ST8SIA1: variants seen among roughly 807,000 people sequenced by gnomAD.
The protein encoded by ST8SIA1 is ST8 alpha-N-acetyl-neuraminide alpha-2,8-sialyltransferase 1.
ST8SIA1 carries 16 observed loss-of-function variants against 35.9 expected under a neutral mutation model. The ratio of observed to expected loss-of-function variants is 0.45; its 90% confidence interval spans 0.30 to 0.68. The LOEUF (loss-of-function observed/expected upper bound fraction) is 0.68. ST8SIA1 is among the 30% of genes least tolerant of loss of function. The pLI, the probability that ST8SIA1 is intolerant of heterozygous loss-of-function variation, is 0.09. For synonymous variants in ST8SIA1, 170 were observed against 169.6 expected, an observed-to-expected ratio of 1.00 and a Z score of -0.02; for missense variants, 383 against 453.6, an observed-to-expected ratio of 0.84 and a Z score of 1.41.
chr12:22,232,349 C>T (rs563599102), intron 4 of ST8SIA1, among the ~76,000 whole-genome samples: 39 of 152,110 alleles, frequency 2.6e-4, no homozygotes, highest in African/African-American at 8.2e-4. Flanking sequence ...GTAGAGCCAC[C>T]GTAATTTAGC....
intron 2 of ST8SIA1, among the ~76,000 whole-genome samples, chr12:22,271,392 A>G (rs1433912029): frequency 1.3e-5 from 2 of 152,148 alleles, no homozygotes; most frequent in Non-Finnish European, 2.9e-5. Flanking sequence ...AATATACATA[A>G]CATATCTAAA....
At chr12:22,325,288 G>C in intron 1 of ST8SIA1, 2 of 564,406 alleles carry the variant, frequency 3.5e-6, no homozygotes, top group Non-Finnish European at 6.3e-6. Flanking sequence ...TGGGACGAAA[G>C]GCCCTTTTCT....
intron 4 of ST8SIA1, among the ~76,000 whole-genome samples, chr12:22,238,271 C>T (rs1865498355): frequency 6.6e-6 from 1 of 152,166 alleles, no homozygotes; most frequent in Non-Finnish European, 1.5e-5. Context: ...GATGCTAGCA[C>T]ACTTCCCATG....
At position 22,285,103 on chromosome 12, in the gene ST8SIA1, C is replaced by T. The variant is rs541995392; in HGVS notation, c.381+2046G>A. On this transcript the variant is annotated intron_variant, in intron 2 of 4. Transcript: ENST00000396037. The stretch of plus-strand genomic sequence containing the variant: ...TCTGTACCACTCTCTTTCCAGCTTC[C>T]TGCTGAAGCATGACAGTTAAAAACT... Among the ~76,000 whole-genome samples, 3 of 152,350 alleles carry T rather than the reference C, an allele frequency of 2.0e-5. No homozygotes were observed. In the South Asian group the frequency reaches 6.2e-4, roughly 32 times the overall value.
chr12:22,223,433 T>A (rs1422536159), intron 4 of ST8SIA1: 1 of 821,882 alleles, frequency 1.2e-6, no homozygotes, highest in African/African-American at 1.9e-5. Flanking sequence ...TAGTCCAAAG[T>A]GGAAAAGCTA....
intron 4 of ST8SIA1, among the ~76,000 whole-genome samples, chr12:22,226,503 C>CTT (rs879840303): frequency 6.8e-6 from 1 of 147,072 alleles, no homozygotes; most frequent in African/African-American, 2.5e-5. Flanking sequence ...GCTGTTAAAA[C>CTT]TTTTTTTTTT....
chr12:22,238,859 A>G (rs1422599061), intron 4 of ST8SIA1, among the ~76,000 whole-genome samples: 2 of 152,180 alleles, frequency 1.3e-5, no homozygotes, highest in Admixed American at 6.5e-5. Context: ...CTGGAGTAAC[A>G]TACTCTTTTT....
At position 22,237,758 on chromosome 12, in the gene ST8SIA1, G is replaced by GT. The variant is rs1043638787; in HGVS notation, c.584+11247dup. 2.3e-4 allele frequency among the ~76,000 whole-genome samples: 35 copies of GT among 151,004 alleles called. No individual in the cohort carries two copies. In the South Asian group the frequency reaches 2.7e-3, roughly 12 times the overall value. On this transcript the variant is annotated intron_variant, in intron 4 of 4. Coordinates refer to ENST00000396037, the MANE Select transcript of ST8SIA1 (RefSeq NM_003034.4). ...TTTGTGTACAGTAGAGTTTTTTCTTGTTTTTTTAGTATGGATTTGTAGAAA... is the reference window on the plus strand; with the variant it reads ...TTTGTGTACAGTAGAGTTTTTTCTTGTTTTTTTTAGTATGGATTTGTAGAAA...
chr12:22,324,134 G>C (rs934330862), intron 1 of ST8SIA1, among the ~76,000 whole-genome samples: 1 of 152,136 alleles, frequency 6.6e-6, no homozygotes, highest in African/African-American at 2.4e-5. Flanking sequence ...AAAGATCATT[G>C]GTTAAATACA....
intron 3 of ST8SIA1, among the ~76,000 whole-genome samples, chr12:22,249,539 GT>G (rs1865645942): frequency 1.3e-5 from 2 of 151,938 alleles, no homozygotes; most frequent in African/African-American, 4.8e-5. Flanking sequence ...TTTTTGTTTT[GT>G]TTTGTTTTGT....
chr12:22,222,609 A>T (rs1430901243), intron 4 of ST8SIA1, among the ~76,000 whole-genome samples: 1 of 151,966 alleles, frequency 6.6e-6, no homozygotes, highest in Non-Finnish European at 1.5e-5. Flanking sequence ...AACTAGAAAA[A>T]GACCATATAT....
intron 2 of ST8SIA1, among the ~76,000 whole-genome samples, chr12:22,281,714 G>T (rs1866037088): frequency 6.6e-6 from 1 of 151,440 alleles, no homozygotes; most frequent in Admixed American, 6.6e-5. Flanking sequence ...CAGGTGTAGT[G>T]GTTCATGCCT....
chr12:22,268,625 G>A (rs111638898), intron 2 of ST8SIA1: 6 of 152,166 alleles, frequency 3.9e-5, no homozygotes, highest in African/African-American at 1.4e-4. Flanking sequence ...TTGAGGGGAG[G>A]GGGGGAAGCC....
chr12:22,274,782 C>T (rs750486266), intron 2 of ST8SIA1, among the ~76,000 whole-genome samples: 17 of 152,248 alleles, frequency 1.1e-4, no homozygotes, highest in Admixed American at 1.3e-4. Context: ...CATGTGGGTG[C>T]AAAGGTTTTG....
chr12:22,199,074 A>G lies in ST8SIA1; in HGVS notation c.*2478T>C, dbSNP rs1253182081. On this transcript the variant is annotated 3_prime_UTR_variant, in exon 5 of 5. Coordinates refer to ENST00000396037, the MANE Select transcript of ST8SIA1 (RefSeq NM_003034.4). ...TTCACAAGTTTGTAAACTAAACATTATATATAAATCTACTGCATAAATCTA... is the reference window on the plus strand; with the variant it reads ...TTCACAAGTTTGTAAACTAAACATTGTATATAAATCTACTGCATAAATCTA... The G allele has an allele frequency of 6.6e-6, 1 of 152,170 alleles. No individual in the cohort carries two copies. The highest frequency in any genetic ancestry group is 1.5e-5 in the Non-Finnish European group (1 of 68,034). 9.4% of individuals were successfully genotyped at this position (152,170 alleles called of 1,614,324 possible). A position where few individuals can be genotyped will look rare whatever the true frequency, so the allele number is the denominator to read the frequency against.
intron 4 of ST8SIA1, among the ~76,000 whole-genome samples, chr12:22,225,229 G>C (rs1865342470): frequency 6.6e-6 from 1 of 152,170 alleles, no homozygotes; most frequent in Non-Finnish European, 1.5e-5. Context: ...GTGGTAATTT[G>C]TGGTAGCAGC....
chr12:22,323,143 T>C (rs1591857973), intron 1 of ST8SIA1, among the ~76,000 whole-genome samples: 1 of 152,220 alleles, frequency 6.6e-6, no homozygotes, highest in Non-Finnish European at 1.5e-5. Context: ...TCCTCATAGC[T>C]GGGTCTCTGC....
At position 22,239,364 on chromosome 12, in the gene ST8SIA1, T is replaced by C. The variant is rs527964134; in HGVS notation, c.584+9642A>G. 7.9e-5 allele frequency among the ~76,000 whole-genome samples: 12 copies of C among 152,332 alleles called. No homozygotes were observed. The East Asian group carries it at 2.3e-3, about 29-fold the overall frequency. On this transcript the variant is annotated intron_variant, in intron 4 of 4. Transcript: ENST00000396037. Reference sequence around the variant, plus strand: ...TTCTATCGTCCATGTTTCTTTGTCTTGCCTTTGTATTTTCTATAGCCTCAT... The same window carrying C: ...TTCTATCGTCCATGTTTCTTTGTCTCGCCTTTGTATTTTCTATAGCCTCAT...
intron 2 of ST8SIA1, among the ~76,000 whole-genome samples, chr12:22,284,205 T>C (rs893259698): frequency 1.3e-5 from 2 of 152,126 alleles, no homozygotes; most frequent in Non-Finnish European, 2.9e-5. Flanking sequence ...ACGAATAACA[T>C]TGATAATGAT....
Sources: gnomAD v4.1 joint callset for allele counts (sites outside exome capture counted in the v4.1 genomes callset) on GRCh38, gnomAD v4.1.1 for gene constraint, MANE v1.5 for transcripts, NCBI Gene and HGNC (gene_info 2026-07-23, HGNC 2026-07-21) for gene names.